The following ROBO2 variants were observed in gnomAD, a reference collection of about 807,000 sequenced individuals.
ROBO2 encodes roundabout guidance receptor 2, also known as roundabout homolog 2.
Under a neutral mutation model 160.8 loss-of-function variants are expected in ROBO2, and 53 were observed. The observed-to-expected ratio is 0.33, with a 90% CI of 0.26 to 0.41. The LOEUF (loss-of-function observed/expected upper bound fraction) is 0.41. Among genes scored for constraint, ROBO2 ranks in the 10% least tolerant of loss-of-function variants. The pLI, the probability that ROBO2 is intolerant of heterozygous loss-of-function variation, is 1.00. For synonymous variants in ROBO2, 664 were observed against 611.7 expected, an observed-to-expected ratio of 1.09 and a Z score of -1.26; for missense variants, 1,577 against 1,722.4, an observed-to-expected ratio of 0.92 and a Z score of 1.49.
chr3:77,301,212 A>G (rs959893565), intron 2 of ROBO2, among the ~76,000 whole-genome samples: 5 of 152,072 alleles, frequency 3.3e-5, no homozygotes, highest in Non-Finnish European at 7.4e-5. Flanking sequence ...TACTGATTTT[A>G]AAAAATAAAG....
intron 1 of ROBO2, among the ~76,000 whole-genome samples, chr3:77,079,860 T>A (rs1322852344): frequency 6.6e-6 from 1 of 152,224 alleles, no homozygotes; most frequent in Non-Finnish European, 1.5e-5. Flanking sequence ...CACATAGTTC[T>A]GAAATTCAGA....
intron 2 of ROBO2, among the ~76,000 whole-genome samples, chr3:76,438,491 A>C (rs1459538437): frequency 6.6e-6 from 1 of 151,900 alleles, no homozygotes; most frequent in Admixed American, 6.6e-5. Flanking sequence ...TAATCCTATA[A>C]AAAATATACT....
chr3:76,428,628 G>A (rs2076314151), intron 2 of ROBO2, among the ~76,000 whole-genome samples: 1 of 152,040 alleles, frequency 6.6e-6, no homozygotes, highest in Admixed American at 6.6e-5. Flanking sequence ...AAAAAAAAGT[G>A]AGTTTTTTTT....
At chr3:76,812,022 CA>C (rs2065235533) in intron 2 of ROBO2, among the ~76,000 whole-genome samples, 2 of 151,846 alleles carry the variant, frequency 1.3e-5, no homozygotes, top group Non-Finnish European at 2.9e-5. Context: ...AGGTGCCCAC[CA>C]CCATGCCCAG....
intron 6 of ROBO2, chr3:77,538,937 C>T (rs866802544): frequency 4.4e-6 from 2 of 453,160 alleles, no homozygotes; most frequent in Non-Finnish European, 4.4e-6. Context: ...TTTTTAGAGA[C>T]GGAGGCTTGC....
At chr3:76,758,376 C>G (rs2061108107) in intron 2 of ROBO2, among the ~76,000 whole-genome samples, 1 of 151,730 alleles carries the variant, frequency 6.6e-6, no homozygotes, top group Non-Finnish European at 1.5e-5. Context: ...GGAAGCCGAC[C>G]AGTAGTGTGA....
chr3:76,942,038 C>A (rs2078221241), intron 2 of ROBO2, among the ~76,000 whole-genome samples: 1 of 152,022 alleles, frequency 6.6e-6, no homozygotes, highest in Non-Finnish European at 1.5e-5. Context: ...TAAAGTCTTC[C>A]AGAAAGATCC....
rs942111024 is a variant in ROBO2, at chr3:76,603,900, T to C, written c.110-494114T>C. Among the ~76,000 whole-genome samples, 14 of 152,298 alleles carry C rather than the reference T, an allele frequency of 9.2e-5. 1 individual carries two copies. Among genetic ancestry groups the C allele is most frequent in the Admixed American group, 9.2e-4 (14 of 15,284 alleles). ...TATACATATATATTAAAGGGGCATA[T>C]GCAGCATGTCTTACAAATTGCACCG... On this transcript the variant is annotated intron_variant, in intron 2 of 26. Transcript: ENST00000487694.
At position 76,549,969 on chromosome 3, in the gene ROBO2, C is replaced by A. The variant is rs1204138938; in HGVS notation, c.110-548045C>A. ...TCCCTTTTTACAGTTTTAGAATGTT[C>A]CCTACTGTCAGGCAGCTAATAATCT... On this transcript the variant is annotated intron_variant, in intron 2 of 26. Coordinates refer to the ROBO2 transcript ENST00000487694. Among the ~76,000 whole-genome samples the A allele has an allele frequency of 2.0e-5, 3 of 152,282 alleles. No individual in the cohort carries two copies. In the East Asian group the frequency reaches 5.8e-4, roughly 29 times the overall value.
At chr3:76,131,125 T>C (rs116547544) in intron 2 of ROBO2, among the ~76,000 whole-genome samples, 1,679 of 152,290 alleles carry the variant, frequency 0.011, 33 homozygotes, top group African/African-American at 0.035. Flanking sequence ...GTATGTTGCA[T>C]CTTTTGTGCT....
intron 2 of ROBO2, among the ~76,000 whole-genome samples, chr3:76,803,055 GAGAC>G (rs1227988585): frequency 3.3e-5 from 5 of 152,130 alleles, no homozygotes; most frequent in African/African-American, 4.8e-5. Flanking sequence ...TAATAGAAAA[GAGAC>G]AGAGCATGGA....
At chr3:76,952,377 G>A (rs2079011040) in intron 2 of ROBO2, among the ~76,000 whole-genome samples, 1 of 152,036 alleles carries the variant, frequency 6.6e-6, no homozygotes, top group Non-Finnish European at 1.5e-5. Context: ...CCGCCTCCCG[G>A]GTTCAAGTGA....
chr3:76,404,135 T>C (rs2108779979), intron 2 of ROBO2, among the ~76,000 whole-genome samples: 1 of 151,766 alleles, frequency 6.6e-6, no homozygotes, highest in South Asian at 2.1e-4. Flanking sequence ...AGGCATAGAA[T>C]GTAGCACCTT....
In ROBO2 at chr3:77,477,594, C is replaced by T. The variant is rs1369533230; in HGVS notation, c.546+23C>T. 3 of 1,606,976 alleles carry T rather than the reference C, an allele frequency of 1.9e-6. No homozygotes were observed. In the South Asian group the frequency reaches 3.3e-5, roughly 18 times the overall value. ...AGTGTGAGTTAAATTAAAATCATGGCCCAGAGAGATTGAATTTTCAGTCTC... is the reference window on the plus strand; with the variant it reads ...AGTGTGAGTTAAATTAAAATCATGGTCCAGAGAGATTGAATTTTCAGTCTC... On this transcript the variant is annotated intron_variant, in intron 3 of 25. Coordinates refer to ENST00000461745, the Ensembl canonical transcript of ROBO2.
chr3:77,607,958 A>C lies in ROBO2; in HGVS notation c.3293+4A>C. On this transcript the variant is annotated splice_donor_region_variant and intron_variant, in intron 21 of 25. Transcript: ENST00000461745. Reference sequence around the variant, plus strand: ...CAGTGGAACAACAAGAAAATGGGTAAAGATATTTTATATACTAGCAAAATG... The same window carrying C: ...CAGTGGAACAACAAGAAAATGGGTACAGATATTTTATATACTAGCAAAATG... The C allele has an allele frequency of 6.2e-7, 1 of 1,613,900 alleles. No homozygotes were observed.
rs1036344323 is a variant in ROBO2 at position 76,704,448 on chromosome 3, C to T, written c.110-393566C>T. 9.9e-5 allele frequency among the ~76,000 whole-genome samples: 15 copies of T among 152,214 alleles called. 1 individual carries two copies. The highest frequency in any genetic ancestry group is 6.8e-3 in the Middle Eastern group (2 of 294). On this transcript the variant is annotated intron_variant, in intron 2 of 26. Coordinates refer to the ROBO2 transcript ENST00000487694. ...TTATCGCTGGAGGACAAGGCGTCAA[C>T]ATAAATACCCAACTACTGTCTATGT...
intron 22 of ROBO2, chr3:77,618,225 G>C (rs2094824178): frequency 5.1e-6 from 1 of 195,064 alleles, no homozygotes; most frequent in Admixed American, 5.3e-5. Context: ...ATGTAAATGT[G>C]AGCTTCTGCA....
intron 2 of ROBO2, among the ~76,000 whole-genome samples, chr3:76,788,726 T>G (rs1179201364): frequency 6.6e-6 from 1 of 151,566 alleles, no homozygotes; most frequent in Non-Finnish European, 1.5e-5. Context: ...CTGAACCTCT[T>G]AAGGAGAAGA....
At chr3:77,481,241 T>A (rs1204236516) in intron 4 of ROBO2, 22 bp downstream of exon 4, 1 of 1,497,732 alleles carries the variant, frequency 6.7e-7, no homozygotes. Context: ...TTCTAAATTA[T>A]AAATTTTTAT....
Sources: gnomAD v4.1 joint callset for allele counts (sites outside exome capture counted in the v4.1 genomes callset) on GRCh38, gnomAD v4.1.1 for gene constraint, MANE v1.5 for transcripts, NCBI Gene and HGNC (gene_info 2026-07-23, HGNC 2026-07-21) for gene names.